The following USP3 variants were observed in gnomAD, a reference collection of about 807,000 sequenced individuals.
USP3 encodes the protein ubiquitin carboxyl-terminal hydrolase 3.
In USP3, 20 loss-of-function variants were observed where a neutral mutation model predicts 72.3. That is an observed-to-expected ratio of 0.28 (90% CI 0.19 to 0.40). The LOEUF (loss-of-function observed/expected upper bound fraction) is 0.40, where lower values mean the gene tolerates loss of function less well. USP3 is among the 10% of genes least tolerant of loss of function. The pLI is 1.00. For missense variants in USP3, 479 were observed against 633.9 expected, an observed-to-expected ratio of 0.76 and a Z score of 2.62; for synonymous variants, 222 against 225.3, an observed-to-expected ratio of 0.99 and a Z score of 0.13.
intron 1 of USP3, among the ~76,000 whole-genome samples, chr15:63,520,215 A>G (rs1183935687): frequency 6.6e-6 from 1 of 152,198 alleles, no homozygotes; most frequent in Non-Finnish European, 1.5e-5. Context: ...ACTGATACCT[A>G]CAATTTCATT....
chr15:63,519,386 A>G (rs2065889750), intron 1 of USP3, among the ~76,000 whole-genome samples: 1 of 147,248 alleles, frequency 6.8e-6, no homozygotes, highest in Non-Finnish European at 1.5e-5. Flanking sequence ...TGAAGAGTTC[A>G]TTTCAGTTAT....
chr15:63,530,730 G>C (rs773038399), intron 1 of USP3: 29 of 319,062 alleles, frequency 9.1e-5, no homozygotes, highest in African/African-American at 6.0e-4. Flanking sequence ...AGTAAGCTGT[G>C]TACTAGTTTA....
intron 11 of USP3, among the ~76,000 whole-genome samples, chr15:63,583,544 C>T (rs1335451039): frequency 6.6e-6 from 1 of 152,122 alleles, no homozygotes; most frequent in African/African-American, 2.4e-5. Flanking sequence ...AATTCAGTGG[C>T]ATTAAGCACA....
At chr15:63,563,345 C>G (rs1178482752) in intron 8 of USP3, among the ~76,000 whole-genome samples, 1 of 152,224 alleles carries the variant, frequency 6.6e-6, no homozygotes, top group Non-Finnish European at 1.5e-5. Context: ...CCATCACACA[C>G]TGTCTTGTTA....
rs78544275 is a variant in USP3, at chr15:63,560,775, G to A, written c.647+805G>A. On this transcript the variant is annotated intron_variant, in intron 7 of 14. Transcript: ENST00000380324. ...GTAGACCTCCCTTATTTGTGGTTCA[G>A]AAGATCTTTCATTATGACAATTGTA... Among the ~76,000 whole-genome samples the A allele has an allele frequency of 8.5e-4, 129 of 151,874 alleles. 2 individuals are homozygous for A. In the East Asian group the frequency reaches 0.022, roughly 26 times the overall value.
intron 11 of USP3, among the ~76,000 whole-genome samples, chr15:63,584,034 A>G (rs1461221632): frequency 3.3e-5 from 5 of 151,844 alleles, no homozygotes; most frequent in Admixed American, 6.6e-5. Flanking sequence ...AGTACTGCCA[A>G]ACTTTTCCAC....
At chr15:63,510,052 G>T (rs1257316081) in intron 1 of USP3, among the ~76,000 whole-genome samples, 1 of 152,162 alleles carries the variant, frequency 6.6e-6, no homozygotes, top group Non-Finnish European at 1.5e-5. Context: ...TTCTTTGCTT[G>T]TACACCATTA....
Position 63,591,530 on chromosome 15 carries a change from A to G in USP3, c.*704A>G, listed in dbSNP as rs1403668216. 6.6e-6 allele frequency: 1 copy of G among 152,118 alleles called. No homozygotes were observed. The highest frequency in any genetic ancestry group is 1.5e-5 in the Non-Finnish European group (1 of 68,056). 9.4% of individuals were successfully genotyped at this position (152,118 alleles called of 1,614,324 possible). ...CTTGTTTGCGGGGAGGTAAGATGGG[A>G]GTAAAGACCAAATACATGTAATGTT... On this transcript the variant is annotated 3_prime_UTR_variant, in exon 15 of 15. Coordinates refer to ENST00000380324, the MANE Select transcript of USP3 (RefSeq NM_006537.4).
intron 1 of USP3, among the ~76,000 whole-genome samples, chr15:63,514,265 A>G (rs1223237305): frequency 1.3e-5 from 2 of 152,146 alleles, no homozygotes; most frequent in Non-Finnish European, 2.9e-5. Context: ...CGAATATATA[A>G]TACAGATTTT....
intron 11 of USP3, among the ~76,000 whole-genome samples, chr15:63,584,095 T>G (rs1490888768): frequency 3.1e-5 from 4 of 128,098 alleles, no homozygotes; most frequent in Non-Finnish European, 4.7e-5. Flanking sequence ...CGGTTTTGTT[T>G]TTTTTTTTTT....
chr15:63,551,880 G>A (rs1451200584), intron 3 of USP3: 2 of 152,180 alleles, frequency 1.3e-5, no homozygotes, highest in African/African-American at 4.8e-5. Context: ...AACTGGCCTG[G>A]AAGAACAGAG....
chr15:63,510,799 C>T (rs1209011654), intron 1 of USP3, among the ~76,000 whole-genome samples: 1 of 151,950 alleles, frequency 6.6e-6, no homozygotes, highest in Non-Finnish European at 1.5e-5. Flanking sequence ...TGCCAAGACC[C>T]CTCAAGATGC....
intron 11 of USP3, among the ~76,000 whole-genome samples, chr15:63,578,510 G>A (rs1195976476): frequency 4.0e-5 from 6 of 151,208 alleles, no homozygotes; most frequent in African/African-American, 1.5e-4. Flanking sequence ...TACTCAGGAG[G>A]CTGAGGCAGG....
intron 3 of USP3, among the ~76,000 whole-genome samples, chr15:63,537,923 G>T (rs143642508): frequency 6.6e-6 from 1 of 151,724 alleles, no homozygotes; most frequent in African/African-American, 2.4e-5. Flanking sequence ...GACCTCAGGT[G>T]ATTTGCCTGC....
In USP3 at chr15:63,504,667, C is replaced by G; in HGVS notation, c.-73C>G. On this transcript the variant is annotated 5_prime_UTR_variant, in exon 1 of 15. Transcript: ENST00000380324. ...CGGCTAGAAGCGACACCAGACGGAG[C>G]CTCCGGAGTTCCTCCGCCCCCACCT... 7.6e-7 allele frequency: 1 copy of G among 1,316,176 alleles called. No homozygotes were observed. 81.5% of individuals were successfully genotyped at this position (1,316,176 alleles called of 1,614,324 possible).
intron 8 of USP3, among the ~76,000 whole-genome samples, chr15:63,569,178 AAAT>A (rs1338300356): frequency 6.6e-6 from 1 of 152,214 alleles, no homozygotes; most frequent in Non-Finnish European, 1.5e-5. Context: ...TGAGTCATGA[AAAT>A]AATGGATATT....
At chr15:63,580,837 C>A (rs1166890214) in intron 11 of USP3, among the ~76,000 whole-genome samples, 1 of 151,850 alleles carries the variant, frequency 6.6e-6, no homozygotes. Context: ...GAGATGGAGT[C>A]TTGCTCTGTC....
At chr15:63,533,037 G>C (rs764742606) in intron 2 of USP3, among the ~76,000 whole-genome samples, 9 of 152,048 alleles carry the variant, frequency 5.9e-5, no homozygotes. Context: ...CCTTTTATTA[G>C]GGTAAAATTT....
chr15:63,553,921 G>A lies in USP3; in HGVS notation c.368+123G>A, dbSNP rs1024100389. 4.6e-5 allele frequency: 33 copies of A among 711,310 alleles called. No individual in the cohort carries two copies. Among genetic ancestry groups the A allele is most frequent in the Non-Finnish European group, 6.1e-5 (28 of 459,854 alleles). 44.1% of individuals were successfully genotyped at this position (711,310 alleles called of 1,614,324 possible). On this transcript the variant is annotated intron_variant, in intron 4 of 14. Coordinates refer to ENST00000380324, the MANE Select transcript of USP3 (RefSeq NM_006537.4). This position sits in a 1 kb window ranked among gnomAD's most constrained non-coding sequence, Gnocchi z 4.2. ...TTCATGTTTATAATATGATTGAAATGTTAATAAAATAAACCTTGGCTTTGG... is the reference window on the plus strand; with the variant it reads ...TTCATGTTTATAATATGATTGAAATATTAATAAAATAAACCTTGGCTTTGG...
Sources: allele counts gnomAD v4.1 joint callset (sites outside exome capture counted in the v4.1 genomes callset), GRCh38; gene constraint gnomAD v4.1.1; non-coding constraint Gnocchi (gnomAD v3.1); transcripts MANE v1.5; gene names NCBI Gene and HGNC (gene_info 2026-07-23, HGNC 2026-07-21).